The following MARCHF1 variants were observed in gnomAD, a reference collection of about 807,000 sequenced individuals.
MARCHF1 encodes membrane associated ring-CH-type finger 1.
A neutral mutation model predicts 54.2 loss-of-function variants in MARCHF1; 40 were observed. The ratio of observed to expected loss-of-function variants is 0.74; its 90% CI spans 0.57 to 0.96. The LOEUF (loss-of-function observed/expected upper bound fraction) is 0.96, where lower values mean the gene tolerates loss of function less well. Ranked by LOEUF, MARCHF1 falls within the 40% of genes least tolerant of loss-of-function variation. The pLI, the probability that MARCHF1 is intolerant of heterozygous loss-of-function variation, is 0.00. For synonymous variants in MARCHF1, 236 were observed against 236.3 expected (o/e 1.00, Z 0.01); for missense variants, 586 against 656.5 (o/e 0.89, Z 1.17).
At chr4:164,209,594 T>C (rs1356673865) in intron 1 of MARCHF1, among the ~76,000 whole-genome samples, 6 of 152,110 alleles carry the variant, frequency 3.9e-5, no homozygotes, top group East Asian at 1.9e-4. Flanking sequence ...TCCAGACTTA[T>C]GGAGAAAAAG....
chr4:164,210,820 G>C lies in MARCHF1; in HGVS notation c.-322-99158C>G, dbSNP rs115766510. ...ACCTAAGCGTCCATCAAAGGACAAT[G>C]GATAAAGAAAATGTGGCAAATATAC... On this transcript the variant is annotated intron_variant, in intron 1 of 9. Coordinates refer to ENST00000514618, the MANE Select transcript of MARCHF1 (RefSeq NM_001394959.1). 2.8e-3 allele frequency among the ~76,000 whole-genome samples: 419 copies of C among 152,074 alleles called. 1 individual carries two copies. Among genetic ancestry groups the C allele is most frequent in the Middle Eastern group, 0.027 (8 of 294 alleles).
chr4:164,031,501 G>C (rs1753877323), intron 2 of MARCHF1, among the ~76,000 whole-genome samples: 1 of 151,760 alleles, frequency 6.6e-6, no homozygotes, highest in African/African-American at 2.4e-5. Context: ...TTGAAATATG[G>C]TCCAGGAATA....
chr4:163,822,392 A>C (rs565822631), intron 4 of MARCHF1, among the ~76,000 whole-genome samples: 142 of 152,026 alleles, frequency 9.3e-4, no homozygotes, highest in African/African-American at 3.4e-3. Flanking sequence ...ATAGTTTTGC[A>C]AAAAAGAAGT....
intron 1 of MARCHF1, among the ~76,000 whole-genome samples, chr4:164,243,637 G>C (rs1579653608): frequency 1.3e-5 from 2 of 151,262 alleles, no homozygotes; most frequent in African/African-American, 4.8e-5. Context: ...TGGACTAAAT[G>C]CTCCAATTAA....
intron 3 of MARCHF1, among the ~76,000 whole-genome samples, chr4:163,872,445 CAT>C (rs901355303): frequency 1.3e-4 from 20 of 152,296 alleles, no homozygotes; most frequent in East Asian, 3.9e-4. Context: ...AGAATGGTCT[CAT>C]GTGAGAAATT....
chr4:164,150,743 C>T (rs1729912381), intron 1 of MARCHF1, among the ~76,000 whole-genome samples: 2 of 152,196 alleles, frequency 1.3e-5, no homozygotes, highest in African/African-American at 4.8e-5. Context: ...TAAAACCACA[C>T]ATTTTCATAA....
At chr4:164,230,373 C>T (rs138361114) in intron 1 of MARCHF1, among the ~76,000 whole-genome samples, 1 of 144,298 alleles carries the variant, frequency 6.9e-6, no homozygotes, top group African/African-American at 2.6e-5. Context: ...CCAGCCTGGG[C>T]AACGAGAGCA....
Position 164,137,770 on chromosome 4 carries a change from A to G in MARCHF1, c.-322-26108T>C, listed in dbSNP as rs186294049. ...TAGAGTTTCCAGATTTTGGGAGAAT[A>G]TTTTCCCTTGTTATGATAGAACTAA... On this transcript the variant is annotated intron_variant, in intron 1 of 9. Transcript: ENST00000514618. 6.6e-3 allele frequency among the ~76,000 whole-genome samples: 998 copies of G among 152,310 alleles called. 5 individuals are homozygous for G. The highest frequency in any genetic ancestry group is 0.013 in the South Asian group (64 of 4,828).
intron 3 of MARCHF1, among the ~76,000 whole-genome samples, chr4:163,954,621 G>GCTAT (rs1340832580): frequency 9.2e-5 from 14 of 151,948 alleles, no homozygotes; most frequent in African/African-American, 3.4e-4. Flanking sequence ...TTTATTTATG[G>GCTAT]CTATCTCATA....
chr4:164,282,619 C>CAAA (rs1560986668), intron 1 of MARCHF1, among the ~76,000 whole-genome samples: 3 of 151,162 alleles, frequency 2.0e-5, no homozygotes, highest in Non-Finnish European at 4.4e-5. Flanking sequence ...CAAAAATACT[C>CAAA]AATTGGTCTT....
chr4:164,344,216 C>T (rs59978300), intron 1 of MARCHF1, among the ~76,000 whole-genome samples: 67,173 of 151,790 alleles, frequency 0.44, 15,875 homozygotes, highest in Non-Finnish European at 0.53. Flanking sequence ...GACACCAGGA[C>T]CTACTTGAGG....
rs1729884128 is a variant in MARCHF1, at chr4:164,340,408, TATATAGATATA to T, written c.-323+43451_-323+43461del. On this transcript the variant is annotated intron_variant, in intron 1 of 9. Transcript: ENST00000514618. ...GCACATGCCACCAGGCCTTGATTTATATATAGATATATATATATATATATATAGTTTGTTTG... is the reference window on the plus strand; with the variant it reads ...GCACATGCCACCAGGCCTTGATTTATTATATATATATATATAGTTTGTTTG... 1.1e-4 allele frequency among the ~76,000 whole-genome samples: 13 copies of T among 121,938 alleles called. 2 individuals carry two copies. The highest frequency in any genetic ancestry group is 2.2e-4 in the African/African-American group (8 of 35,854). 80.0% of individuals were successfully genotyped at this position (121,938 alleles called of 152,430 possible).
chr4:164,115,246 T>C (rs1291367159), intron 1 of MARCHF1, among the ~76,000 whole-genome samples: 1 of 152,058 alleles, frequency 6.6e-6, no homozygotes, highest in African/African-American at 2.4e-5. Flanking sequence ...TAATCAGTCA[T>C]GAGCAATGAG....
chr4:163,836,185 C>T (rs542604987), intron 4 of MARCHF1, among the ~76,000 whole-genome samples: 2 of 152,096 alleles, frequency 1.3e-5, no homozygotes, highest in East Asian at 3.9e-4. Flanking sequence ...AGTGACCCAT[C>T]TTCAGATCCT....
intron 1 of MARCHF1, among the ~76,000 whole-genome samples, chr4:164,332,713 A>T (rs4328871): frequency 6.6e-6 from 1 of 152,012 alleles, no homozygotes; most frequent in Non-Finnish European, 1.5e-5. Context: ...CCTTAACTGC[A>T]TCATGATTAA....
At chr4:163,659,993 G>A (rs1471436262) in intron 5 of MARCHF1, among the ~76,000 whole-genome samples, 2 of 152,208 alleles carry the variant, frequency 1.3e-5, no homozygotes, top group Admixed American at 1.3e-4. Flanking sequence ...AAGACAGTGA[G>A]GCGTTTCCTC....
intron 4 of MARCHF1, among the ~76,000 whole-genome samples, chr4:163,758,413 C>T (rs2110813313): frequency 6.6e-6 from 1 of 152,292 alleles, no homozygotes; most frequent in East Asian, 1.9e-4. Flanking sequence ...GGACATTCCA[C>T]TATTGTCAGC....
At chr4:163,812,477 A>G (rs1748419238) in intron 4 of MARCHF1, among the ~76,000 whole-genome samples, 1 of 152,092 alleles carries the variant, frequency 6.6e-6, no homozygotes. Flanking sequence ...TTTGAAACCA[A>G]CGAGGCACAG....
At chr4:163,625,949 GTACAT>G (rs1741856074) in intron 5 of MARCHF1, among the ~76,000 whole-genome samples, 1 of 152,176 alleles carries the variant, frequency 6.6e-6, no homozygotes, top group Non-Finnish European at 1.5e-5. Context: ...TTGCTAGTTG[GTACAT>G]TACGAGAGCT....
Sources: allele counts gnomAD v4.1 joint callset (sites outside exome capture counted in the v4.1 genomes callset), GRCh38; gene constraint gnomAD v4.1.1; transcripts MANE v1.5; gene names NCBI Gene and HGNC (gene_info 2026-07-23, HGNC 2026-07-21).